Variants in PCDH15 observed in about 807,000 individuals in gnomAD.
PCDH15 encodes the protein protocadherin-15.
A neutral mutation model predicts 178.5 loss-of-function variants in PCDH15; 129 were observed. The ratio of observed to expected loss-of-function variants is 0.72; its 90% CI spans 0.63 to 0.84. The LOEUF is 0.84. Among genes scored for constraint, PCDH15 ranks in the 40% least tolerant of loss-of-function variants. The pLI is 0.00. For missense variants in PCDH15, 2,230 were observed against 2,099.9 expected, an observed-to-expected ratio of 1.06 and a Z score of -1.21; for synonymous variants, 800 against 732.0, an observed-to-expected ratio of 1.09 and a Z score of -1.50.
intron 11 of PCDH15, among the ~76,000 whole-genome samples, chr10:54,189,918 C>A (rs1393084109): frequency 1.2e-5 from 1 of 81,968 alleles, no homozygotes. Flanking sequence ...TGTATACATG[C>A]ATGTGTATGT....
chr10:54,355,276 G>C (rs1944805228), intron 5 of PCDH15, among the ~76,000 whole-genome samples: 1 of 151,734 alleles, frequency 6.6e-6, no homozygotes, highest in Admixed American at 6.6e-5. Flanking sequence ...GAAAGCTTCT[G>C]CCTGATGTTA....
intron 3 of PCDH15, among the ~76,000 whole-genome samples, chr10:54,523,439 T>G (rs554748449): frequency 3.4e-4 from 52 of 152,144 alleles, no homozygotes; most frequent in Non-Finnish European, 6.8e-4. Flanking sequence ...TTGCTTAAAC[T>G]ACACTACCTG....
At chr10:54,086,135 C>G (rs1466706760) in intron 16 of PCDH15, among the ~76,000 whole-genome samples, 1 of 151,964 alleles carries the variant, frequency 6.6e-6, no homozygotes, top group Non-Finnish European at 1.5e-5. Flanking sequence ...GTTCTACAGG[C>G]TGTATAAGAA....
At chr10:55,394,562 C>T (rs1837876480) in intron 2 of PCDH15, among the ~76,000 whole-genome samples, 2 of 152,068 alleles carry the variant, frequency 1.3e-5, no homozygotes, top group African/African-American at 4.8e-5. Flanking sequence ...CAATTCTAGT[C>T]CTACCTTCCT....
In PCDH15 at chr10:54,195,825, T is replaced by G. The variant is rs747487603; in HGVS notation, c.1163A>C (p.Glu388Ala). ...TGTAAAATATGGACTTTGATTGTTTTCATCCAGTATTTCAATGTGTAGACC... is the reference window on the plus strand; with the variant it reads ...TGTAAAATATGGACTTTGATTGTTTGCATCCAGTATTTCAATGTGTAGACC... The part of the protein sequence containing the change: ...FAGLHIEILD[E>A]NNQSPYFTMP... The change falls in exon 11 of 38, where the codon GAA (glutamate) becomes GCA (alanine). Residue 388 changes from glutamate (E) to alanine (A), a missense_variant. Glu to Ala is a moderately radical substitution (Grantham distance 107, BLOSUM62 -1). Transcript: ENST00000644397. The G allele has an allele frequency of 6.2e-6, 10 of 1,614,088 alleles. No individual in the cohort carries two copies. In the South Asian group the frequency reaches 9.9e-5, roughly 16 times the overall value.
chr10:54,845,608 T>G (rs986061581), intron 3 of PCDH15, among the ~76,000 whole-genome samples: 2 of 152,090 alleles, frequency 1.3e-5, no homozygotes, highest in African/African-American at 2.4e-5. Flanking sequence ...ATATTCTTTA[T>G]GAAGTCTTAA....
At chr10:53,925,581 CT>C (rs1304867457) in intron 25 of PCDH15, among the ~76,000 whole-genome samples, 2 of 152,240 alleles carry the variant, frequency 1.3e-5, no homozygotes, top group Non-Finnish European at 2.9e-5. Flanking sequence ...GCATTTCTCC[CT>C]GATACAAGCT....
At chr10:55,225,661 G>C (rs1378333123) in intron 1 of PCDH15, among the ~76,000 whole-genome samples, 2 of 151,380 alleles carry the variant, frequency 1.3e-5, no homozygotes, top group Admixed American at 1.3e-4. Context: ...GAGAGAGAGA[G>C]AGAGAGAGAG....
At chr10:54,425,050 G>A (rs1179299311) in intron 3 of PCDH15, among the ~76,000 whole-genome samples, 1 of 150,872 alleles carries the variant, frequency 6.6e-6, no homozygotes, top group Admixed American at 6.6e-5. Context: ...TTTTTCAACA[G>A]GTAGGTTGAA....
At chr10:55,446,261 C>T (rs566768682) in intron 2 of PCDH15, among the ~76,000 whole-genome samples, 2 of 151,268 alleles carry the variant, frequency 1.3e-5, no homozygotes, top group African/African-American at 4.9e-5. Context: ...GAAAAAAAAT[C>T]ATGTTTATGA....
intron 5 of PCDH15, among the ~76,000 whole-genome samples, chr10:54,355,036 T>C (rs1249106073): frequency 6.7e-6 from 1 of 149,870 alleles, no homozygotes; most frequent in Non-Finnish European, 1.5e-5. Flanking sequence ...TATAAGTGTA[T>C]CTCTACACTT....
rs1259246675 is a variant in PCDH15, at chr10:55,354,670, T to C, written c.-155-188019A>G. Among the ~76,000 whole-genome samples, 5 of 152,198 alleles carry C rather than the reference T, an allele frequency of 3.3e-5. No individual in the cohort carries two copies. The East Asian group carries it at 9.7e-4, about 29-fold the overall frequency. ...TCATCAGTGAAATTCAGACAATTCA[T>C]AATAGGGCTGCTTTCAAATCCTGGC... On this transcript the variant is annotated intron_variant, in intron 2 of 5. Transcript: ENST00000613346.
intron 2 of PCDH15, among the ~76,000 whole-genome samples, chr10:55,496,438 C>T (rs1840536155): frequency 6.6e-6 from 1 of 151,740 alleles, no homozygotes; most frequent in Non-Finnish European, 1.5e-5. Flanking sequence ...ATGTTTATTT[C>T]CTTGTAAAAC....
chr10:54,784,712 G>A (rs1950682178), intron 1 of PCDH15, among the ~76,000 whole-genome samples: 1 of 149,498 alleles, frequency 6.7e-6, no homozygotes, highest in South Asian at 2.1e-4. Flanking sequence ...AAATTGTGGT[G>A]CTATGATCAG....
chr10:55,591,095 C>T (rs984438560), intron 2 of PCDH15, among the ~76,000 whole-genome samples: 1 of 151,868 alleles, frequency 6.6e-6, no homozygotes. Flanking sequence ...TCAAAAACAC[C>T]GAGATAGTTT....
At chr10:54,012,407 G>C (rs897419461) in intron 20 of PCDH15, among the ~76,000 whole-genome samples, 13 of 152,018 alleles carry the variant, frequency 8.6e-5, no homozygotes, top group African/African-American at 2.9e-4. Context: ...AACCTCACTA[G>C]AGAGGCCAAT....
intron 1 of PCDH15, among the ~76,000 whole-genome samples, chr10:55,208,447 C>G (rs975727327): frequency 6.6e-6 from 1 of 152,012 alleles, no homozygotes; most frequent in Admixed American, 6.6e-5. Context: ...TTCACCTCCC[C>G]CCACATACTC....
At chr10:54,460,450 A>G (rs1270385569) in intron 3 of PCDH15, among the ~76,000 whole-genome samples, 1 of 152,108 alleles carries the variant, frequency 6.6e-6, no homozygotes, top group East Asian at 1.9e-4. Flanking sequence ...TTCAGAAAAA[A>G]TATTTGGAGA....
At chr10:55,452,070 G>T (rs1839448056) in intron 2 of PCDH15, among the ~76,000 whole-genome samples, 1 of 152,082 alleles carries the variant, frequency 6.6e-6, no homozygotes, top group South Asian at 2.1e-4. Context: ...GAAATAAAGA[G>T]ATATTTTTGT....
Sources: gnomAD v4.1 joint callset for allele counts (sites outside exome capture counted in the v4.1 genomes callset) on GRCh38, gnomAD v4.1.1 for gene constraint, MANE v1.5 for transcripts, NCBI Gene and HGNC (gene_info 2026-07-23, HGNC 2026-07-21) for gene names.